COQ8A: variants seen among roughly 807,000 people sequenced by gnomAD.
COQ8A encodes the protein atypical kinase COQ8A, mitochondrial.
COQ8A carries 51 observed loss-of-function variants against 65.0 expected under a neutral mutation model. That is an observed-to-expected ratio of 0.78 (90% CI 0.63 to 0.99). The LOEUF is 0.99. COQ8A is among the 50% of genes least tolerant of loss of function. The pLI, the probability that COQ8A is intolerant of heterozygous loss-of-function variation, is 0.00. For synonymous variants in COQ8A, 371 were observed against 353.2 expected, an observed-to-expected ratio of 1.05 and a Z score of -0.57; for missense variants, 940 against 875.0, an observed-to-expected ratio of 1.07 and a Z score of -0.94.
chr1:226,979,855 G>A (rs1659583572), intron 5 of COQ8A, among the ~76,000 whole-genome samples: 1 of 152,182 alleles, frequency 6.6e-6, no homozygotes, highest in South Asian at 2.1e-4. Flanking sequence ...GGGAAATGAA[G>A]CCTGGGTTTC....
intron 12 of COQ8A, 49 bp from the exon 13 acceptor site, chr1:226,984,827 G>A (rs374680572): frequency 3.8e-5 from 61 of 1,596,302 alleles, no homozygotes; most frequent in African/African-American, 2.1e-4. Context: ...CCACACACCC[G>A]CACCATGGAG....
At chr1:226,964,577 G>A (rs1658445901) in intron 2 of COQ8A, among the ~76,000 whole-genome samples, 1 of 152,172 alleles carries the variant, frequency 6.6e-6, no homozygotes, top group African/African-American at 2.4e-5. Flanking sequence ...TGGGCCCGTC[G>A]GTGTGCTTCC....
chr1:226,975,900 T>C (rs1326829067), intron 4 of COQ8A, among the ~76,000 whole-genome samples: 1 of 152,256 alleles, frequency 6.6e-6, no homozygotes, highest in African/African-American at 2.4e-5. Context: ...CATTAAATTT[T>C]CAACAAGTTC....
chr1:226,986,812 G>A lies in COQ8A; in HGVS notation c.*75G>A, dbSNP rs1161995893. ...CAGGCCAAAAACCAGTAGCGAGGTC[G>A]TGGTGATGCTCTTTTTAACTCCTTT... On this transcript the variant is annotated 3_prime_UTR_variant, in exon 15 of 15. Transcript: ENST00000366777. 28 of 1,539,096 alleles carry A rather than the reference G, an allele frequency of 1.8e-5. No homozygotes were observed. The highest frequency in any genetic ancestry group is 3.5e-5 in the South Asian group (3 of 85,676).
intron 1 of COQ8A, among the ~76,000 whole-genome samples, chr1:226,955,501 C>T (rs1453218169): frequency 2.0e-4 from 25 of 126,116 alleles, no homozygotes; most frequent in Non-Finnish European, 3.7e-4. Context: ...TCTCTGGCTG[C>T]CACTCCCTGG....
intron 2 of COQ8A, among the ~76,000 whole-genome samples, chr1:226,964,464 C>T (rs1188147282): frequency 6.6e-6 from 1 of 152,210 alleles, no homozygotes. Context: ...TAGGGACGGC[C>T]AGGCCTGGTC....
chr1:226,984,102 T>C lies in COQ8A; in HGVS notation c.1265T>C (p.Leu422Pro), dbSNP rs1274766112. The change falls in exon 11 of 15, where the codon CTG (leucine) becomes CCG (proline). Residue 422 changes from leucine to proline, a missense_variant. Leu to Pro is a moderately conservative substitution (Grantham distance 98). Transcript: ENST00000366777. ...CTCCCTCCCCTACCCAGGGACCTGC[T>C]GAAGGGCCACCCCTTCTTCTATGTG... is the stretch of plus-strand genomic sequence containing the variant. ...AACARKFRDL[L>P]KGHPFFYVPE... The C allele has an allele frequency of 6.2e-7, 1 of 1,613,520 alleles. No homozygotes were observed. The highest frequency in any genetic ancestry group is 8.5e-7 in the Non-Finnish European group (1 of 1,179,972).
In COQ8A at chr1:226,985,271, C is replaced by T. The variant is rs750508216; in HGVS notation, c.1590C>T (p.Ala530=). Residue 530 remains alanine (A), a synonymous_variant, in exon 14 of 15, where the codon GCC becomes GCT. Coordinates refer to ENST00000366777, the MANE Select transcript of COQ8A (RefSeq NM_020247.5). ...CTCCCCAGATCATCAGGGCTGCTGC[C>T]GACAGGGACAGGGAGACTGTGCGGG... is the stretch of plus-strand genomic sequence containing the variant. The part of the protein sequence containing the change: ...DLYIQIIRAA[A]DRDRETVRAK... 3.3e-5 allele frequency: 54 copies of T among 1,613,710 alleles called. No homozygotes were observed. In the South Asian group the frequency reaches 3.8e-4, roughly 11 times the overall value.
chr1:226,976,415 C>T (rs1659232842), intron 4 of COQ8A, among the ~76,000 whole-genome samples: 1 of 151,586 alleles, frequency 6.6e-6, no homozygotes, highest in African/African-American at 2.4e-5. Flanking sequence ...TGCGATGTTG[C>T]CTGGCTTCGG....
At chr1:226,950,840 A>G (rs1278171380) in intron 1 of COQ8A, among the ~76,000 whole-genome samples, 2 of 152,326 alleles carry the variant, frequency 1.3e-5, no homozygotes, top group East Asian at 3.9e-4. Context: ...TAGCACAAGA[A>G]TGTATAATTT....
chr1:226,960,120 A>G (rs1388320218), intron 1 of COQ8A, among the ~76,000 whole-genome samples: 4 of 62,170 alleles, frequency 6.4e-5, no homozygotes, highest in African/African-American at 2.0e-4. Context: ...TGGTGGTGGT[A>G]GTGGTACTTG....
intron 1 of COQ8A, among the ~76,000 whole-genome samples, chr1:226,960,664 G>T (rs1242157832): frequency 6.6e-6 from 1 of 150,576 alleles, no homozygotes; most frequent in Non-Finnish European, 1.5e-5. Context: ...TGGTGGTGGT[G>T]GTTGTTCATT....
At chr1:226,960,279 T>A (rs1658093441) in intron 1 of COQ8A, among the ~76,000 whole-genome samples, 1 of 56,912 alleles carries the variant, frequency 1.8e-5, no homozygotes, top group Non-Finnish European at 3.8e-5. Context: ...TTGGTGGCGG[T>A]GGTACTTGGT....
At chr1:226,982,372 G>A (rs1033756256) in intron 6 of COQ8A, 14 of 676,346 alleles carry the variant, frequency 2.1e-5, no homozygotes, top group African/African-American at 3.6e-5. Context: ...CTCTACAGGT[G>A]GTCAGAACAC....
intron 1 of COQ8A, among the ~76,000 whole-genome samples, chr1:226,961,001 T>A (rs74563271): frequency 0.041 from 6,178 of 152,238 alleles, 399 homozygotes; most frequent in African/African-American, 0.13. Flanking sequence ...TCCAGAGGGA[T>A]GAACCCTAGA....
At chr1:226,959,350 AG>A (rs1212929951) in intron 1 of COQ8A, among the ~76,000 whole-genome samples, 4 of 151,908 alleles carry the variant, frequency 2.6e-5, no homozygotes, top group Admixed American at 1.3e-4. Flanking sequence ...TTGAGGCTGT[AG>A]GGTGCCATGA....
chr1:226,977,568 G>C (rs1157712602), intron 5 of COQ8A, 45 bp downstream of exon 5: 1 of 1,536,548 alleles, frequency 6.5e-7, no homozygotes, highest in Non-Finnish European at 8.8e-7. Flanking sequence ...GGCCCCGGGA[G>C]GGTTGAGCCT....
Position 226,984,140 on chromosome 1 carries a change from G to A in COQ8A, c.1303G>A (p.Asp435Asn), listed in dbSNP as rs962774701. 1.2e-6 allele frequency: 2 copies of A among 1,613,882 alleles called. No homozygotes were observed. Among genetic ancestry groups the A allele is most frequent in the East Asian group, 4.5e-5 (2 of 44,868 alleles). Residue 435 changes from aspartate to asparagine, a missense_variant, in exon 11 of 15, where the codon GAT (aspartate) becomes AAT (asparagine). Asp to Asn is a conservative substitution (Grantham distance 23). Coordinates refer to ENST00000366777, the MANE Select transcript of COQ8A (RefSeq NM_020247.5). ...HPFFYVPEIVDELCSPHVLTT... is the reference protein window; with the variant it reads ...HPFFYVPEIVNELCSPHVLTT... ...CTTCTTCTATGTGCCTGAGATTGTG[G>A]ATGAGCTCTGCAGCCCACATGTGCT... is the stretch of plus-strand genomic sequence containing the variant.
chr1:226,940,902 T>C (rs1377058924), intron 1 of COQ8A, among the ~76,000 whole-genome samples: 2 of 152,220 alleles, frequency 1.3e-5, no homozygotes, highest in Non-Finnish European at 2.9e-5. Flanking sequence ...CTGTTGGGCT[T>C]CGCAGGTGGG....
Sources: allele counts gnomAD v4.1 joint callset (sites outside exome capture counted in the v4.1 genomes callset), GRCh38; gene constraint gnomAD v4.1.1; transcripts MANE v1.5; gene names NCBI Gene and HGNC (gene_info 2026-07-23, HGNC 2026-07-21).